The following SSBP2 variants were observed in gnomAD, a reference collection of about 807,000 sequenced individuals.
SSBP2 encodes single stranded DNA binding protein 2.
In SSBP2, 17 loss-of-function variants were observed where a neutral mutation model predicts 61.8. The ratio of observed to expected loss-of-function variants is 0.28; its 90% CI spans 0.19 to 0.41. SSBP2 has a LOEUF of 0.41. SSBP2 is among the 10% of genes least tolerant of loss of function. SSBP2 has a pLI of 1.00. For missense variants in SSBP2, 310 were observed against 458.7 expected, an observed-to-expected ratio of 0.68 and a Z score of 2.96; for synonymous variants, 139 against 141.3, an observed-to-expected ratio of 0.98 and a Z score of 0.12.
At chr5:81,461,526 T>C (rs1373740181) in intron 9 of SSBP2, among the ~76,000 whole-genome samples, 1 of 152,052 alleles carries the variant, frequency 6.6e-6, no homozygotes, top group East Asian at 1.9e-4. Context: ...CATCAATATA[T>C]GTAAAATGAT....
intron 2 of SSBP2, among the ~76,000 whole-genome samples, chr5:81,637,547 G>C (rs1581223611): frequency 6.6e-6 from 1 of 152,184 alleles, no homozygotes; most frequent in Non-Finnish European, 1.5e-5. Context: ...AAGCAGAATG[G>C]GATATGGGCA....
intron 1 of SSBP2, among the ~76,000 whole-genome samples, chr5:81,725,683 CAGA>C (rs1755829524): frequency 6.6e-6 from 1 of 152,130 alleles, no homozygotes; most frequent in Admixed American, 6.5e-5. Context: ...AGTTATGAAA[CAGA>C]TATACAGAGA....
At chr5:81,571,303 T>C (rs917728059) in intron 4 of SSBP2, among the ~76,000 whole-genome samples, 1 of 152,246 alleles carries the variant, frequency 6.6e-6, no homozygotes, top group African/African-American at 2.4e-5. Context: ...TTCTCTTTCT[T>C]TTCTTTATTT....
Position 81,522,314 on chromosome 5 carries a change from T to C in SSBP2, c.283-8597A>G, listed in dbSNP as rs147062648. Among the ~76,000 whole-genome samples, 67 of 152,194 alleles carry C rather than the reference T, an allele frequency of 4.4e-4. 1 individual carries two copies. The East Asian group carries it at 0.012, about 26-fold the overall frequency. On this transcript the variant is annotated intron_variant, in intron 4 of 16. Transcript: ENST00000320672. ...ATTGAGTGTAACATGATTTTAGTTA[T>C]GCAAATGATAAAAGGTAACGTATAA...
intron 4 of SSBP2, among the ~76,000 whole-genome samples, chr5:81,580,116 G>C (rs1407415546): frequency 6.6e-6 from 1 of 152,048 alleles, no homozygotes; most frequent in African/African-American, 2.4e-5. Flanking sequence ...AATGTGAACT[G>C]TGAGGAATGG....
chr5:81,736,074 T>A (rs1362901699), intron 1 of SSBP2, among the ~76,000 whole-genome samples: 2 of 152,062 alleles, frequency 1.3e-5, no homozygotes, highest in South Asian at 2.1e-4. Context: ...TTAGGCTGGC[T>A]TTCAAGAATT....
chr5:81,474,727 T>C (rs1423387963), intron 6 of SSBP2, among the ~76,000 whole-genome samples, 165 bp from the exon 7 acceptor site: 2 of 152,222 alleles, frequency 1.3e-5, no homozygotes, highest in Non-Finnish European at 2.9e-5. Flanking sequence ...TGCAGGTTTA[T>C]ATACCTTAAA....
At chr5:81,489,892 C>T (rs1766724553) in intron 5 of SSBP2, among the ~76,000 whole-genome samples, 1 of 152,080 alleles carries the variant, frequency 6.6e-6, no homozygotes, top group Admixed American at 6.6e-5. Flanking sequence ...GCGGCACACA[C>T]CTATAGTCCC....
At chr5:81,529,204 C>A (rs748853955) in intron 4 of SSBP2, among the ~76,000 whole-genome samples, 1 of 151,994 alleles carries the variant, frequency 6.6e-6, no homozygotes, top group African/African-American at 2.4e-5. Context: ...AAAAACACAG[C>A]TATGGGGTAA....
At chr5:81,599,250 T>C (rs879830270) in intron 4 of SSBP2, among the ~76,000 whole-genome samples, 2 of 152,200 alleles carry the variant, frequency 1.3e-5, no homozygotes, top group African/African-American at 2.4e-5. Flanking sequence ...AATACTCACA[T>C]ATCATTAATT....
chr5:81,565,351 A>AT (rs1359384807), intron 4 of SSBP2, among the ~76,000 whole-genome samples: 3 of 152,188 alleles, frequency 2.0e-5, no homozygotes, highest in African/African-American at 7.2e-5. Context: ...CATATAGAAC[A>AT]TAAAAAAAAT....
chr5:81,689,614 T>A (rs1753062452), intron 1 of SSBP2, among the ~76,000 whole-genome samples: 1 of 150,820 alleles, frequency 6.6e-6, no homozygotes, highest in Non-Finnish European at 1.5e-5. Flanking sequence ...AGCAAAAATA[T>A]CCTTCAAACA....
intron 4 of SSBP2, among the ~76,000 whole-genome samples, chr5:81,581,684 G>GA (rs917195775): frequency 6.6e-6 from 1 of 152,090 alleles, no homozygotes; most frequent in African/African-American, 2.4e-5. Flanking sequence ...ATATTTTGCA[G>GA]AAAAAAACTA....
intron 4 of SSBP2, among the ~76,000 whole-genome samples, chr5:81,607,851 T>C (rs1745028247): frequency 6.6e-6 from 1 of 152,290 alleles, no homozygotes; most frequent in East Asian, 1.9e-4. Context: ...AACAAATTAG[T>C]TGCCTTGGGA....
chr5:81,610,201 G>C (rs939820305), intron 4 of SSBP2, among the ~76,000 whole-genome samples: 3 of 152,110 alleles, frequency 2.0e-5, no homozygotes, highest in Non-Finnish European at 4.4e-5. Flanking sequence ...GAGCAAGACT[G>C]GGGGGAGAGG....
intron 4 of SSBP2, among the ~76,000 whole-genome samples, chr5:81,519,886 A>C (rs1234110694): frequency 2.0e-5 from 3 of 152,036 alleles, no homozygotes; most frequent in African/African-American, 7.2e-5. Flanking sequence ...TGTTTCATTA[A>C]CATGTTTACT....
At chr5:81,710,731 C>G (rs1347670291) in intron 1 of SSBP2, 4 of 453,032 alleles carry the variant, frequency 8.8e-6, no homozygotes, top group Non-Finnish European at 1.3e-5. Flanking sequence ...CAAGCATCAC[C>G]CTTACAAGAG....
intron 1 of SSBP2, among the ~76,000 whole-genome samples, chr5:81,718,753 T>C (rs553714081): frequency 6.6e-6 from 1 of 152,310 alleles, no homozygotes; most frequent in Non-Finnish European, 1.5e-5. Context: ...CAATATTCAA[T>C]GAGACTATAT....
chr5:81,545,278 T>G (rs1029661458), intron 4 of SSBP2, among the ~76,000 whole-genome samples: 1 of 152,206 alleles, frequency 6.6e-6, no homozygotes, highest in Non-Finnish European at 1.5e-5. Flanking sequence ...GCATCTTGAA[T>G]TTTATCTGGC....
Sources: allele counts gnomAD v4.1 joint callset (sites outside exome capture counted in the v4.1 genomes callset), GRCh38; gene constraint gnomAD v4.1.1; transcripts MANE v1.5; gene names NCBI Gene and HGNC (gene_info 2026-07-23, HGNC 2026-07-21).